Variants in TIAM1 observed in about 807,000 individuals in gnomAD.
The protein encoded by TIAM1 is TIAM Rac1 associated GEF 1, also known as rho guanine nucleotide exchange factor TIAM1.
Under a neutral mutation model 163.5 loss-of-function variants are expected in TIAM1, and 65 were observed. The observed-to-expected ratio is 0.40, with a 90% CI of 0.33 to 0.49. The LOEUF (loss-of-function observed/expected upper bound fraction) is 0.49. TIAM1 is among the 20% of genes least tolerant of loss of function. The pLI, the probability that TIAM1 is intolerant of heterozygous loss-of-function variation, is 0.77. For synonymous variants in TIAM1, 833 were observed against 810.1 expected, an observed-to-expected ratio of 1.03 and a Z score of -0.48; for missense variants, 1,789 against 2,044.7, an observed-to-expected ratio of 0.87 and a Z score of 2.41.
intron 1 of TIAM1, among the ~76,000 whole-genome samples, chr21:31,493,356 GAT>G (rs975679161): frequency 2.0e-5 from 3 of 152,126 alleles, no homozygotes; most frequent in South Asian, 2.1e-4. Flanking sequence ...ATGATAAAAA[GAT>G]ATAAAATGAT....
chr21:31,135,613 T>G (rs956193660), intron 23 of TIAM1, among the ~76,000 whole-genome samples: 6 of 151,528 alleles, frequency 4.0e-5, no homozygotes, highest in African/African-American at 1.2e-4. Context: ...GGTTTATAAT[T>G]AACCCATTAT....
intron 15 of TIAM1, among the ~76,000 whole-genome samples, chr21:31,174,785 T>C (rs944715198): frequency 4.6e-5 from 7 of 151,984 alleles, no homozygotes; most frequent in Non-Finnish European, 8.8e-5. Context: ...GTAGCTGGGA[T>C]TACAGGCACC....
intron 2 of TIAM1, among the ~76,000 whole-genome samples, chr21:31,277,555 G>A (rs2073353968): frequency 6.6e-6 from 1 of 152,218 alleles, no homozygotes; most frequent in South Asian, 2.1e-4. Context: ...TGTGGCGGGA[G>A]AATCGCTGGA....
chr21:31,356,432 T>C (rs1469088555), intron 2 of TIAM1, among the ~76,000 whole-genome samples: 5 of 152,214 alleles, frequency 3.3e-5, no homozygotes, highest in Non-Finnish European at 5.9e-5. Flanking sequence ...TCTGAATGTT[T>C]GTGTCCCCTC....
At chr21:31,372,455 T>C (rs2076611579) in intron 2 of TIAM1, among the ~76,000 whole-genome samples, 1 of 152,112 alleles carries the variant, frequency 6.6e-6, no homozygotes, top group Non-Finnish European at 1.5e-5. Flanking sequence ...TAGGGGGGCA[T>C]CTGTGACCAA....
In TIAM1 at chr21:31,525,785, G is replaced by A. The variant is rs1733705031; in HGVS notation, c.-422+33142C>T. On this transcript the variant is annotated intron_variant, in intron 1 of 28. Transcript: ENST00000286827. ...ACGGGGGCTCATGTCTGTAACCCCA[G>A]CACTTTGGAAGGCTGAGATGGGTGG... is the stretch of plus-strand genomic sequence containing the variant. 2.0e-5 allele frequency among the ~76,000 whole-genome samples: 3 copies of A among 152,096 alleles called. No homozygotes were observed. In the South Asian group the frequency reaches 6.2e-4, roughly 32 times the overall value.
chr21:31,158,042 T>G (rs1000140026), intron 16 of TIAM1, among the ~76,000 whole-genome samples: 1 of 152,164 alleles, frequency 6.6e-6, no homozygotes, highest in African/African-American at 2.4e-5. Flanking sequence ...ATAAATACTT[T>G]GAGAATTCCA....
intron 1 of TIAM1, among the ~76,000 whole-genome samples, chr21:31,555,123 G>A (rs941629579): frequency 2.7e-5 from 4 of 150,796 alleles, no homozygotes; most frequent in Admixed American, 1.3e-4. Flanking sequence ...ATTTCTGAAT[G>A]TCTCTTTTAT....
At chr21:31,258,248 G>A (rs1364940601) in intron 4 of TIAM1, among the ~76,000 whole-genome samples, 1 of 152,152 alleles carries the variant, frequency 6.6e-6, no homozygotes, top group African/African-American at 2.4e-5. Context: ...GCATGGGGAA[G>A]GCACTTCAAA....
chr21:31,356,960 A>C (rs909905455), intron 2 of TIAM1, among the ~76,000 whole-genome samples: 6 of 152,242 alleles, frequency 3.9e-5, no homozygotes, highest in Admixed American at 2.0e-4. Context: ...TTTAAAAAAT[A>C]AATGAATGAA....
At position 31,184,349 on chromosome 21, in the gene TIAM1, G is replaced by A. The variant is rs556986604; in HGVS notation, c.2663-1704C>T. Among the ~76,000 whole-genome samples the A allele has an allele frequency of 4.3e-4, 65 of 152,210 alleles. No individual in the cohort carries two copies. In the South Asian group the frequency reaches 0.012, roughly 27 times the overall value. On this transcript the variant is annotated intron_variant, in intron 14 of 27. Transcript: ENST00000541036. Reference sequence around the variant, plus strand: ...TGGAACTCCTCACCTCAGGTGATCCGCCCACCTTGGCCTCCCAAAGTGCTG... The same window carrying A: ...TGGAACTCCTCACCTCAGGTGATCCACCCACCTTGGCCTCCCAAAGTGCTG...
At chr21:31,441,235 G>T (rs1038665548) in intron 2 of TIAM1, among the ~76,000 whole-genome samples, 1 of 152,202 alleles carries the variant, frequency 6.6e-6, no homozygotes, top group Non-Finnish European at 1.5e-5. Context: ...GCCCATTAGG[G>T]TTGGAAGGAA....
chr21:31,422,853 C>T (rs1267718511), intron 2 of TIAM1, among the ~76,000 whole-genome samples: 2 of 152,146 alleles, frequency 1.3e-5, no homozygotes, highest in East Asian at 1.9e-4. Flanking sequence ...AGCATCATTG[C>T]TCCGTAAAGA....
At chr21:31,147,633 T>C (rs760390234) in intron 19 of TIAM1, among the ~76,000 whole-genome samples, 46 of 148,020 alleles carry the variant, frequency 3.1e-4, no homozygotes, top group Non-Finnish European at 6.4e-4. Flanking sequence ...TCCCACACAT[T>C]ATATATAGAG....
At chr21:31,389,591 A>C (rs1216643955) in intron 2 of TIAM1, among the ~76,000 whole-genome samples, 2 of 152,256 alleles carry the variant, frequency 1.3e-5, no homozygotes, top group East Asian at 3.8e-4. Flanking sequence ...GCTGAGCCAC[A>C]TGCTACAACA....
intron 2 of TIAM1, among the ~76,000 whole-genome samples, chr21:31,403,848 G>C (rs1456271706): frequency 1.3e-5 from 2 of 152,134 alleles, no homozygotes; most frequent in Non-Finnish European, 2.9e-5. Context: ...AGACTTCCTA[G>C]TCTAGCTGAG....
At chr21:31,540,036 A>T (rs992613357) in intron 1 of TIAM1, among the ~76,000 whole-genome samples, 5 of 148,284 alleles carry the variant, frequency 3.4e-5, no homozygotes, top group African/African-American at 7.5e-5. Context: ...AAAAAAACAT[A>T]AAAAAAAAAG....
chr21:31,118,852 C>A lies in TIAM1; in HGVS notation c.*1516G>T. The A allele has an allele frequency of 2.9e-6, 1 of 340,086 alleles. No homozygotes were observed. The highest frequency in any genetic ancestry group is 2.3e-5 in the South Asian group (1 of 42,916). 21.1% of individuals were successfully genotyped at this position (340,086 alleles called of 1,614,324 possible). On this transcript the variant is annotated 3_prime_UTR_variant, in exon 28 of 28. Transcript: ENST00000541036. The stretch of plus-strand genomic sequence containing the variant: ...AGGCGGGGGGAATACAGGGTGGGAA[C>A]GCAGGAAAAGCAGGCAGAGGCACAA...
chr21:31,346,109 G>A (rs1046961655), upstream of TIAM1, among the ~76,000 whole-genome samples: 1 of 151,958 alleles, frequency 6.6e-6, no homozygotes, highest in African/African-American at 2.4e-5. Flanking sequence ...CTAGTAGGTA[G>A]AGTCCAGAGA....
Sources: allele counts gnomAD v4.1 joint callset (sites outside exome capture counted in the v4.1 genomes callset), GRCh38; gene constraint gnomAD v4.1.1; transcripts MANE v1.5; gene names NCBI Gene and HGNC (gene_info 2026-07-23, HGNC 2026-07-21).